The following TMCO6 variants were observed in gnomAD, a reference collection of about 807,000 sequenced individuals.
TMCO6 encodes the protein transmembrane and coiled-coil domains 6.
TMCO6 carries 47 observed loss-of-function variants against 61.8 expected under a neutral mutation model. The ratio of observed to expected loss-of-function variants is 0.76; its 90% CI spans 0.60 to 0.97. The LOEUF (loss-of-function observed/expected upper bound fraction) is 0.97. TMCO6 is among the 50% of genes least tolerant of loss of function. The probability of loss-of-function intolerance (pLI) is 0.00; values close to 1 mark genes in which losing one functional copy is unlikely to be tolerated. For synonymous variants in TMCO6, 261 were observed against 254.2 expected (o/e 1.03, Z -0.25); for missense variants, 557 against 601.6 (o/e 0.93, Z 0.78).
At chr5:140,643,066 C>T (rs1343893079) in intron 7 of TMCO6, 25 bp downstream of exon 7, 19 of 1,614,020 alleles carry the variant, frequency 1.2e-5, no homozygotes, top group Non-Finnish European at 1.5e-5. Flanking sequence ...GGGAAAGTAC[C>T]ACAGATCTTC....
upstream of TMCO6, among the ~76,000 whole-genome samples, chr5:140,636,586 G>T (rs1232794037): frequency 6.6e-6 from 1 of 152,018 alleles, no homozygotes; most frequent in Non-Finnish European, 1.5e-5. Context: ...CATGAGGAAG[G>T]GCTCAAGATC....
chr5:140,623,128 A>C, the TMCO6 span, among the ~76,000 whole-genome samples: 1 of 152,172 alleles, frequency 6.6e-6, no homozygotes, highest in Non-Finnish European at 1.5e-5. Context: ...ATGTAAGAAA[A>C]CCCAGTTCCC....
At chr5:140,616,324 C>T in the TMCO6 span, among the ~76,000 whole-genome samples, 1 of 152,056 alleles carries the variant, frequency 6.6e-6, no homozygotes, top group Admixed American at 6.6e-5. Flanking sequence ...GAGGCCAAGG[C>T]CAATGCGGGA....
the TMCO6 span, among the ~76,000 whole-genome samples, chr5:140,603,663 G>A: frequency 2.3e-5 from 3 of 128,486 alleles, no homozygotes; most frequent in African/African-American, 8.6e-5. Flanking sequence ...GTTGTGGCAT[G>A]TATCAATATT....
chr5:140,644,740 G>A lies in TMCO6; in HGVS notation c.1368G>A (p.Glu456=), dbSNP rs376651678. The change falls in exon 11 of 12, where the codon GAG becomes GAA. Residue 456 remains glutamate, a splice_region_variant and synonymous_variant. Transcript: ENST00000394671. ...LLHLLFLYQP[E]AVQVFLQQSG... is the part of the protein sequence containing the mutation. ...ATCTGCTGTTCCTGTATCAGCCAGA[G>A]GTATAGGTTTCTGGCCCACATCCTC... is the stretch of plus-strand genomic sequence containing the variant. The A allele has an allele frequency of 8.1e-6, 13 of 1,613,986 alleles. No homozygotes were observed. In the African/African-American group the frequency reaches 1.7e-4, roughly 22 times the overall value.
At chr5:140,645,463 C>T, downstream of TMCO6, 1 of 1,292,298 alleles carries the variant, frequency 7.7e-7, no homozygotes, top group Non-Finnish European at 1.1e-6. Flanking sequence ...GACAAGAACA[C>T]CCTGAGAAAG....
At chr5:140,620,109 C>G in the TMCO6 span, among the ~76,000 whole-genome samples, 3 of 152,060 alleles carry the variant, frequency 2.0e-5, no homozygotes, top group African/African-American at 7.2e-5. Flanking sequence ...TCATAATTGC[C>G]AAAACTTGGG....
At position 140,643,555 on chromosome 5, in the gene TMCO6, G is replaced by T; in HGVS notation, c.807-9G>T. ...TATACCTAGGGACTGCTTGCTTCCT[G>T]TTGCCCAGCCAGGTCAGCAATCCTC... On this transcript the variant is annotated splice_polypyrimidine_tract_variant and intron_variant, in intron 7 of 11. Coordinates refer to ENST00000394671, the MANE Select transcript of TMCO6 (RefSeq NM_018502.5). The T allele has an allele frequency of 3.7e-6, 6 of 1,613,140 alleles. No homozygotes were observed. The highest frequency in any genetic ancestry group is 4.2e-6 in the Non-Finnish European group (5 of 1,179,664).
the TMCO6 span, among the ~76,000 whole-genome samples, chr5:140,600,940 T>C: frequency 2.6e-5 from 4 of 152,212 alleles, no homozygotes; most frequent in Non-Finnish European, 5.9e-5. Context: ...CATCAACCCT[T>C]GCATCCCTGA....
chr5:140,633,685 C>G, the TMCO6 span: 1 of 153,054 alleles, frequency 6.5e-6, no homozygotes, highest in Non-Finnish European at 1.4e-5. Context: ...TCTGTTGGCA[C>G]CAAGGGGGGT....
the TMCO6 span, among the ~76,000 whole-genome samples, chr5:140,605,734 CACACA>C: frequency 0.01 from 409 of 39,406 alleles, 3 homozygotes; most frequent in South Asian, 0.044. Flanking sequence ...CACACACACA[CACACA>C]AAGAAAGAAG....
At chr5:140,620,619 G>C in the TMCO6 span, among the ~76,000 whole-genome samples, 66 of 152,306 alleles carry the variant, frequency 4.3e-4, no homozygotes, top group South Asian at 2.5e-3. Flanking sequence ...GGCTATGCAT[G>C]TGTCAGACCC....
the TMCO6 span, among the ~76,000 whole-genome samples, chr5:140,627,264 G>T: frequency 6.6e-6 from 1 of 151,674 alleles, no homozygotes; most frequent in South Asian, 2.1e-4. Context: ...TACCAGGTGT[G>T]GAGCCTAGGA....
In TMCO6 at chr5:140,644,212, T is replaced by C. The variant is rs761690535; in HGVS notation, c.1200+18T>C. Reference sequence around the variant, plus strand: ...GCGTAATGGTATGTATTGGGGTTACTTGAATCCAAGATCTGGTAGTCGGAT... The same window carrying C: ...GCGTAATGGTATGTATTGGGGTTACCTGAATCCAAGATCTGGTAGTCGGAT... On this transcript the variant is annotated intron_variant, in intron 10 of 11. Transcript: ENST00000394671. 3.7e-6 allele frequency: 6 copies of C among 1,610,970 alleles called. No individual in the cohort carries two copies. Among genetic ancestry groups the C allele is most frequent in the Middle Eastern group, 1.6e-4 (1 of 6,080 alleles).
chr5:140,639,639 G>C (rs941955647), intron 1 of TMCO6, 27 bp downstream of exon 1: 3 of 1,539,690 alleles, frequency 1.9e-6, no homozygotes, highest in Non-Finnish European at 2.6e-6. Context: ...GAGCGCGGGG[G>C]TATATGGCGG....
the TMCO6 span, among the ~76,000 whole-genome samples, chr5:140,603,621 T>C: frequency 6.6e-6 from 1 of 152,146 alleles, no homozygotes; most frequent in African/African-American, 2.4e-5. Context: ...GTCTGACTTC[T>C]TTTACTTAGC....
At chr5:140,636,693 T>C (rs961553693), upstream of TMCO6, among the ~76,000 whole-genome samples, 1 of 152,062 alleles carries the variant, frequency 6.6e-6, no homozygotes, top group African/African-American at 2.4e-5. Context: ...ATATGGAGGA[T>C]GGAATGATGG....
chr5:140,632,744 C>T, the TMCO6 span: 5 of 1,613,548 alleles, frequency 3.1e-6, no homozygotes, highest in Non-Finnish European at 4.2e-6. This position sits in a 1 kb window ranked among gnomAD's most constrained non-coding sequence, Gnocchi z 6.2. Flanking sequence ...CAGCATACTG[C>T]CGCGGGTCGG....
chr5:140,644,728 G>A lies in TMCO6; in HGVS notation c.1356G>A (p.Leu452=), dbSNP rs371732987. ...TGGAGCTGCTGCATCTGCTGTTCCT[G>A]TATCAGCCAGAGGTATAGGTTTCTG... ...QSLELLHLLF[L]YQPEAVQVFL... Residue 452 remains leucine (L), a synonymous_variant, in exon 11 of 12, where the codon CTG becomes CTA. Coordinates refer to ENST00000394671, the MANE Select transcript of TMCO6 (RefSeq NM_018502.5). 1.2e-6 allele frequency: 2 copies of A among 1,614,070 alleles called. No individual in the cohort carries two copies. Among genetic ancestry groups the A allele is most frequent in the Non-Finnish European group, 1.7e-6 (2 of 1,180,032 alleles).
Sources: gnomAD v4.1 joint callset for allele counts (sites outside exome capture counted in the v4.1 genomes callset) on GRCh38, gnomAD v4.1.1 for gene constraint, Gnocchi (gnomAD v3.1) non-coding constraint, MANE v1.5 for transcripts, NCBI Gene and HGNC (gene_info 2026-07-23, HGNC 2026-07-21) for gene names.